Variants in NAA25 observed in about 807,000 individuals in gnomAD.
The protein encoded by NAA25 is N-terminal acetyltransferase B complex subunit NAA25.
A neutral mutation model predicts 132.5 loss-of-function variants in NAA25; 30 were observed. That is an observed-to-expected ratio of 0.23 (90% CI 0.17 to 0.31). The LOEUF (loss-of-function observed/expected upper bound fraction) is 0.31. Ranked by LOEUF, NAA25 falls within the 10% of genes least tolerant of loss-of-function variation. The pLI is 1.00. For missense variants in NAA25, 771 were observed against 1,150.4 expected (o/e 0.67, Z 4.77); for synonymous variants, 359 against 401.9 (o/e 0.89, Z 1.28).
intron 22 of NAA25, 35 bp downstream of exon 22, chr12:112,039,194 T>C: frequency 7.6e-7 from 1 of 1,314,146 alleles, no homozygotes; most frequent in Non-Finnish European, 1.1e-6. Flanking sequence ...GTGGTCAGAT[T>C]GTTCCTTGTA....
chr12:112,063,280 TC>T (rs1454184955), intron 11 of NAA25, among the ~76,000 whole-genome samples: 3 of 152,114 alleles, frequency 2.0e-5, no homozygotes, highest in African/African-American at 7.2e-5. Context: ...GCACCAGGTG[TC>T]CCTAAAGGCT....
intron 4 of NAA25, among the ~76,000 whole-genome samples, chr12:112,084,547 T>C (rs2079016552): frequency 3.3e-5 from 5 of 152,082 alleles, no homozygotes; most frequent in Non-Finnish European, 1.5e-5. Flanking sequence ...TCCCAGCACT[T>C]TGGGAGGCCA....
chr12:112,041,953 T>C (rs979497110), intron 20 of NAA25, 86 bp downstream of exon 20: 18 of 757,642 alleles, frequency 2.4e-5, no homozygotes, highest in Middle Eastern at 2.3e-4. Context: ...CTCTGGGTGA[T>C]TGGGCTTGGG....
chr12:112,042,750 G>A (rs904086871), intron 19 of NAA25, among the ~76,000 whole-genome samples: 1 of 152,158 alleles, frequency 6.6e-6, no homozygotes, highest in East Asian at 1.9e-4. Context: ...CAGGTGATCC[G>A]CCTGCCTTGG....
At chr12:112,106,498 T>C (rs1207479100) in intron 1 of NAA25, among the ~76,000 whole-genome samples, 1 of 152,044 alleles carries the variant, frequency 6.6e-6, no homozygotes, top group Non-Finnish European at 1.5e-5. Flanking sequence ...TGTATATATA[T>C]CTCTGCCCTC....
chr12:112,056,908 G>A (rs2078553568), intron 13 of NAA25, among the ~76,000 whole-genome samples: 1 of 152,042 alleles, frequency 6.6e-6, no homozygotes, highest in South Asian at 2.1e-4. Context: ...TGTTTAAATC[G>A]GCTGGGTGTG....
At chr12:112,088,812 G>T (rs1296115181) in intron 3 of NAA25, among the ~76,000 whole-genome samples, 1 of 151,812 alleles carries the variant, frequency 6.6e-6, no homozygotes. Context: ...TAGAGATGGG[G>T]TTTCTCCATG....
chr12:112,103,781 G>A (rs1248541424), intron 1 of NAA25, among the ~76,000 whole-genome samples: 1 of 152,164 alleles, frequency 6.6e-6, no homozygotes, highest in Non-Finnish European at 1.5e-5. Flanking sequence ...TGGCAGGGAG[G>A]GATGGTTTCG....
chr12:112,047,115 T>C (rs2078393249), intron 17 of NAA25, among the ~76,000 whole-genome samples: 1 of 152,146 alleles, frequency 6.6e-6, no homozygotes, highest in African/African-American at 2.4e-5. Flanking sequence ...AGGGGTGAGC[T>C]ATACTTTCTT....
At position 112,053,186 on chromosome 12, in the gene NAA25, G is replaced by A. The variant is rs535587047; in HGVS notation, c.1728+372C>T. ...ATTTCAGAGTTAAATAAAAGTAACAGAGAGCAGCTGCTATTGCAGGATGTT... is the reference window on the plus strand; with the variant it reads ...ATTTCAGAGTTAAATAAAAGTAACAAAGAGCAGCTGCTATTGCAGGATGTT... On this transcript the variant is annotated intron_variant, in intron 15 of 23. Coordinates refer to ENST00000261745, the MANE Select transcript of NAA25 (RefSeq NM_024953.4). Among the ~76,000 whole-genome samples, 3 of 152,330 alleles carry A rather than the reference G, an allele frequency of 2.0e-5. No homozygotes were observed. In the South Asian group the frequency reaches 6.2e-4, roughly 32 times the overall value.
chr12:112,038,245 C>A (rs1433660701), intron 22 of NAA25, among the ~76,000 whole-genome samples: 1 of 152,126 alleles, frequency 6.6e-6, no homozygotes, highest in East Asian at 1.9e-4. Context: ...AACTCCTGAC[C>A]TCAAGTGATC....
chr12:112,072,597 A>C (rs2078829184), intron 9 of NAA25, among the ~76,000 whole-genome samples: 1 of 148,566 alleles, frequency 6.7e-6, no homozygotes, highest in Non-Finnish European at 1.5e-5. Context: ...TGACAGAGAG[A>C]GATTCCATCT....
chr12:112,043,310 G>T, intron 18 of NAA25, 99 bp from the exon 19 acceptor site: 2 of 1,309,164 alleles, frequency 1.5e-6, no homozygotes, highest in Non-Finnish European at 2.1e-6. Flanking sequence ...TGTCTCAGCG[G>T]TTCAGCTAAA....
At chr12:112,073,158 C>CCA (rs890907542) in intron 9 of NAA25, among the ~76,000 whole-genome samples, 2 of 151,460 alleles carry the variant, frequency 1.3e-5, no homozygotes, top group Non-Finnish European at 2.9e-5. Context: ...TCACTTGAGC[C>CCA]CAGGAGGCAG....
At position 112,082,792 on chromosome 12, in the gene NAA25, G is replaced by A. The variant is rs1254781594; in HGVS notation, c.403-1658C>T. On this transcript the variant is annotated intron_variant, in intron 4 of 23. Transcript: ENST00000261745. ...ATAACATGGTGGCAGGGGGCGGGGG[G>A]TGGGGGGTGCGGGGTGTGGTAACGA... Among the ~76,000 whole-genome samples the A allele has an allele frequency of 6.4e-5, 9 of 141,374 alleles. No individual in the cohort carries two copies. In the Admixed American group the frequency reaches 6.5e-4, roughly 10 times the overall value. 92.7% of individuals were successfully genotyped at this position (141,374 alleles called of 152,430 possible). A position where few individuals can be genotyped will look rare whatever the true frequency, so the allele number is the denominator to read the frequency against.
At chr12:112,053,710 A>T in intron 14 of NAA25, 53 bp from the exon 15 acceptor site, 1 of 1,287,304 alleles carries the variant, frequency 7.8e-7, no homozygotes. Flanking sequence ...TTACTTACCT[A>T]GCTCAAGTAA....
At chr12:112,082,379 G>C (rs1395002678) in intron 4 of NAA25, among the ~76,000 whole-genome samples, 3 of 152,072 alleles carry the variant, frequency 2.0e-5, no homozygotes, top group Non-Finnish European at 4.4e-5. Context: ...AGACCAGCCT[G>C]GGCAACATTG....
chr12:112,096,105 A>G (rs527325053), intron 1 of NAA25, among the ~76,000 whole-genome samples: 19 of 152,176 alleles, frequency 1.2e-4, no homozygotes, highest in African/African-American at 3.9e-4. Flanking sequence ...CTTTCTACTC[A>G]TTTTTCTGTA....
chr12:112,089,146 A>G (rs1040728658), intron 3 of NAA25, among the ~76,000 whole-genome samples: 1 of 152,158 alleles, frequency 6.6e-6, no homozygotes, highest in African/African-American at 2.4e-5. Flanking sequence ...CGTGCCTATA[A>G]TCCCAGCACT....
Sources: gnomAD v4.1 joint callset for allele counts (sites outside exome capture counted in the v4.1 genomes callset) on GRCh38, gnomAD v4.1.1 for gene constraint, MANE v1.5 for transcripts, NCBI Gene and HGNC (gene_info 2026-07-23, HGNC 2026-07-21) for gene names.